Variants in MAN1A2 observed in about 807,000 individuals in gnomAD.
MAN1A2 encodes the protein mannosidase alpha class 1A member 2, also known as mannosyl-oligosaccharide 1,2-alpha-mannosidase IB.
Under a neutral mutation model 75.7 loss-of-function variants are expected in MAN1A2, and 26 were observed. The observed-to-expected ratio is 0.34, with a 90% CI of 0.25 to 0.48. The LOEUF (loss-of-function observed/expected upper bound fraction) is 0.48, where lower values mean the gene tolerates loss of function less well. Ranked by LOEUF, MAN1A2 falls within the 20% of genes least tolerant of loss-of-function variation. MAN1A2 has a pLI of 0.99. For synonymous variants in MAN1A2, 247 were observed against 264.6 expected (o/e 0.93, Z 0.65); for missense variants, 562 against 775.5 (o/e 0.72, Z 3.27).
chr1:117,372,595 G>A (rs1175008431), intron 1 of MAN1A2, among the ~76,000 whole-genome samples: 1 of 152,094 alleles, frequency 6.6e-6, no homozygotes, highest in East Asian at 1.9e-4. Flanking sequence ...TATCAAATGT[G>A]TAGTTTGGTG....
At chr1:117,417,560 T>TATATATATATATATATATA (rs1648041035) in intron 4 of MAN1A2, among the ~76,000 whole-genome samples, 32 of 126,194 alleles carry the variant, frequency 2.5e-4, no homozygotes, top group African/African-American at 9.6e-4. Context: ...TATATATATG[T>TATATATATATATATATATA]GATATATATG....
chr1:117,476,872 T>A (rs996257375), intron 8 of MAN1A2, among the ~76,000 whole-genome samples: 2 of 152,114 alleles, frequency 1.3e-5, no homozygotes, highest in Non-Finnish European at 2.9e-5. Context: ...AAATTTAAAG[T>A]AGTTTTTTCT....
chr1:117,385,687 A>T (rs937775856), intron 1 of MAN1A2, among the ~76,000 whole-genome samples: 1 of 152,222 alleles, frequency 6.6e-6, no homozygotes, highest in Non-Finnish European at 1.5e-5. Flanking sequence ...CAGGAGAGGA[A>T]TCCTGGATAC....
chr1:117,490,169 T>C (rs1366290417), intron 8 of MAN1A2, among the ~76,000 whole-genome samples: 3 of 152,060 alleles, frequency 2.0e-5, no homozygotes, highest in Non-Finnish European at 4.4e-5. Context: ...TTTGCTTTAC[T>C]GCACTTCACA....
rs138834595 is a variant in MAN1A2 at position 117,403,814 on chromosome 1, A to G, written c.558+1373A>G. 6.5e-3 allele frequency among the ~76,000 whole-genome samples: 986 copies of G among 152,258 alleles called. 5 individuals carry two copies. The highest frequency in any genetic ancestry group is 0.022 in the African/African-American group (930 of 41,548). Reference sequence around the variant, plus strand: ...GAGTTCTAATACATTGTTCAAAGTAAGTGGCGAGAATGGACATACTAGGTT... The same window carrying G: ...GAGTTCTAATACATTGTTCAAAGTAGGTGGCGAGAATGGACATACTAGGTT... On this transcript the variant is annotated intron_variant, in intron 2 of 12. Coordinates refer to ENST00000356554, the MANE Select transcript of MAN1A2 (RefSeq NM_006699.5).
intron 1 of MAN1A2, among the ~76,000 whole-genome samples, chr1:117,383,762 T>C (rs1305238372): frequency 1.3e-5 from 2 of 152,022 alleles, no homozygotes; most frequent in African/African-American, 4.8e-5. Context: ...TTTTTTTTTT[T>C]TAAGCGTTGG....
At chr1:117,414,956 C>T (rs139049297) in intron 4 of MAN1A2, 125 bp downstream of exon 4, 132 of 595,276 alleles carry the variant, frequency 2.2e-4, no homozygotes, top group Admixed American at 9.0e-4. Flanking sequence ...ACTAATGTGA[C>T]GGTACTAGAA....
intron 1 of MAN1A2, among the ~76,000 whole-genome samples, chr1:117,369,208 A>G (rs1348496217): frequency 2.0e-5 from 3 of 152,206 alleles, no homozygotes; most frequent in East Asian, 3.8e-4. Flanking sequence ...TCAAGCAACT[A>G]TTGGAATTTG....
chr1:117,492,659 C>T (rs1037245446), intron 8 of MAN1A2, among the ~76,000 whole-genome samples: 2 of 151,982 alleles, frequency 1.3e-5, no homozygotes, highest in African/African-American at 4.8e-5. Context: ...AATTCTTGGG[C>T]TTTTTTTCTT....
intron 5 of MAN1A2, among the ~76,000 whole-genome samples, chr1:117,438,794 G>A (rs187568043): frequency 1.3e-5 from 2 of 152,276 alleles, no homozygotes; most frequent in Admixed American, 6.5e-5. Context: ...ACCTAGATGT[G>A]TGGTAGGCCT....
chr1:117,460,097 A>G (rs7514323), intron 6 of MAN1A2, among the ~76,000 whole-genome samples: 114,300 of 151,442 alleles, frequency 0.75, 43,289 homozygotes, highest in Middle Eastern at 0.81. Flanking sequence ...AAAGTTGTTT[A>G]TGAACTGATA....
At chr1:117,478,201 A>G (rs1570776493) in intron 8 of MAN1A2, among the ~76,000 whole-genome samples, 1 of 151,936 alleles carries the variant, frequency 6.6e-6, no homozygotes, top group South Asian at 2.1e-4. Context: ...CATCTTTTTT[A>G]TATACTCTTT....
intron 6 of MAN1A2, among the ~76,000 whole-genome samples, chr1:117,442,812 C>CG: frequency 6.6e-6 from 1 of 151,694 alleles, no homozygotes; most frequent in Non-Finnish European, 1.5e-5. Flanking sequence ...ATGTTGACTG[C>CG]GGGGTTTTTA....
At chr1:117,439,066 A>G (rs1275041482) in intron 5 of MAN1A2, among the ~76,000 whole-genome samples, 1 of 152,202 alleles carries the variant, frequency 6.6e-6, no homozygotes, top group Non-Finnish European at 1.5e-5. Flanking sequence ...TTTTGTAAGA[A>G]CATTTAATAG....
chr1:117,469,890 G>A (rs1278360489), intron 8 of MAN1A2, among the ~76,000 whole-genome samples: 1 of 152,082 alleles, frequency 6.6e-6, no homozygotes, highest in Non-Finnish European at 1.5e-5. Flanking sequence ...AAATGGTGCA[G>A]CTGCTGTGAA....
At chr1:117,412,130 T>A (rs1647839935) in intron 3 of MAN1A2, among the ~76,000 whole-genome samples, 1 of 151,798 alleles carries the variant, frequency 6.6e-6, no homozygotes, top group African/African-American at 2.4e-5. Flanking sequence ...AAAGTAGTAG[T>A]CATTCTATGA....
chr1:117,460,473 T>G lies in MAN1A2; in HGVS notation c.951-16T>G. ...TCCCAATCCTGTGTCTCCTTTTACTTTTCCTTTTCATTCAGTGGAGTAGGG... is the reference window on the plus strand; with the variant it reads ...TCCCAATCCTGTGTCTCCTTTTACTGTTCCTTTTCATTCAGTGGAGTAGGG... On this transcript the variant is annotated splice_polypyrimidine_tract_variant and intron_variant, in intron 6 of 12. Transcript: ENST00000356554. 1 of 1,594,634 alleles carries G rather than the reference T, an allele frequency of 6.3e-7. No homozygotes were observed.
At chr1:117,389,704 CT>C (rs903937766) in intron 1 of MAN1A2, among the ~76,000 whole-genome samples, 39 of 151,144 alleles carry the variant, frequency 2.6e-4, no homozygotes, top group Non-Finnish European at 4.4e-4. Context: ...AGGTTTATAC[CT>C]TTTTTTTCTT....
chr1:117,403,103 T>C (rs760538682), intron 2 of MAN1A2, among the ~76,000 whole-genome samples: 11 of 152,134 alleles, frequency 7.2e-5, no homozygotes, highest in Non-Finnish European at 1.5e-4. Context: ...AAATTCTGGG[T>C]GGAGTTTGTG....
Sources: gnomAD v4.1 joint callset for allele counts (sites outside exome capture counted in the v4.1 genomes callset) on GRCh38, gnomAD v4.1.1 for gene constraint, MANE v1.5 for transcripts, NCBI Gene and HGNC (gene_info 2026-07-23, HGNC 2026-07-21) for gene names.